NELL1: variants seen among roughly 807,000 people sequenced by gnomAD.
NELL1 encodes the protein protein kinase C-binding protein NELL1.
Under a neutral mutation model 107.4 loss-of-function variants are expected in NELL1, and 76 were observed. The observed-to-expected ratio is 0.71, with a 90% CI of 0.59 to 0.86. NELL1 has a LOEUF of 0.86. NELL1 is among the 40% of genes least tolerant of loss of function. The pLI, the probability that NELL1 is intolerant of heterozygous loss-of-function variation, is 0.00. For synonymous variants in NELL1, 353 were observed against 341.2 expected (o/e 1.03, Z -0.38); for missense variants, 1,024 against 1,005.5 (o/e 1.02, Z -0.25).
chr11:20,834,233 G>A (rs901600367), intron 3 of NELL1, among the ~76,000 whole-genome samples: 3 of 152,160 alleles, frequency 2.0e-5, no homozygotes, highest in East Asian at 1.9e-4. Context: ...GAACAGAAGC[G>A]ATAGAACTTG....
At chr11:21,339,142 A>C (rs1850505157) in intron 14 of NELL1, among the ~76,000 whole-genome samples, 1 of 152,246 alleles carries the variant, frequency 6.6e-6, no homozygotes, top group African/African-American at 2.4e-5. Flanking sequence ...TAAGAATGTG[A>C]CTGTATGTGG....
At chr11:20,725,024 A>G (rs1451141730) in intron 2 of NELL1, among the ~76,000 whole-genome samples, 1 of 152,206 alleles carries the variant, frequency 6.6e-6, no homozygotes, top group Non-Finnish European at 1.5e-5. Context: ...CTTTAAAACC[A>G]TCAGCTCTCA....
intron 2 of NELL1, among the ~76,000 whole-genome samples, chr11:20,694,550 C>T (rs890116482): frequency 1.3e-5 from 2 of 151,942 alleles, no homozygotes; most frequent in African/African-American, 2.4e-5. Flanking sequence ...TATCTTTGTC[C>T]ATTTAGTAAA....
intron 15 of NELL1, among the ~76,000 whole-genome samples, chr11:21,493,516 T>C (rs920091528): frequency 2.0e-5 from 2 of 101,334 alleles, no homozygotes. Flanking sequence ...TTCTCACTTA[T>C]GTGTAGGAGC....
intron 9 of NELL1, among the ~76,000 whole-genome samples, chr11:20,933,288 C>T (rs1215006558): frequency 2.0e-5 from 3 of 152,168 alleles, no homozygotes; most frequent in African/African-American, 7.2e-5. Context: ...AGAGATACTC[C>T]ACAGGTATTG....
At chr11:20,707,760 A>G (rs569896130) in intron 2 of NELL1, among the ~76,000 whole-genome samples, 1 of 152,268 alleles carries the variant, frequency 6.6e-6, no homozygotes, top group African/African-American at 2.4e-5. Flanking sequence ...CCTGGCTGTA[A>G]GAGGTGTCAG....
At chr11:21,147,571 G>A (rs1471557006) in intron 13 of NELL1, among the ~76,000 whole-genome samples, 3 of 152,020 alleles carry the variant, frequency 2.0e-5, no homozygotes, top group East Asian at 1.9e-4. Flanking sequence ...GGTGGCTCCC[G>A]CCTGTAATCC....
chr11:20,936,006 G>C (rs140858610), intron 9 of NELL1, among the ~76,000 whole-genome samples: 1 of 152,226 alleles, frequency 6.6e-6, no homozygotes, highest in East Asian at 1.9e-4. Flanking sequence ...AGGTTCTGAG[G>C]GGAAACAGAC....
intron 12 of NELL1, among the ~76,000 whole-genome samples, chr11:20,991,272 C>G (rs1272561294): frequency 6.6e-6 from 1 of 152,166 alleles, no homozygotes; most frequent in African/African-American, 2.4e-5. Flanking sequence ...GTCTTTGTTC[C>G]AGCAGATCAG....
chr11:20,952,192 G>A (rs1851082684), intron 11 of NELL1, among the ~76,000 whole-genome samples: 1 of 152,072 alleles, frequency 6.6e-6, no homozygotes, highest in African/African-American at 2.4e-5. Flanking sequence ...AGCTCTAATT[G>A]TATCTTTAAT....
intron 3 of NELL1, among the ~76,000 whole-genome samples, chr11:20,846,231 T>C (rs1848699201): frequency 6.6e-6 from 1 of 152,178 alleles, no homozygotes; most frequent in Admixed American, 6.5e-5. Context: ...CTTGACTCTC[T>C]GCTTGCCCTT....
At chr11:20,982,322 T>G (rs1159269472) in intron 12 of NELL1, among the ~76,000 whole-genome samples, 2 of 152,136 alleles carry the variant, frequency 1.3e-5, no homozygotes, top group African/African-American at 4.8e-5. Flanking sequence ...AGGGGATAGT[T>G]TATGGGTAGG....
intron 15 of NELL1, among the ~76,000 whole-genome samples, chr11:21,508,720 G>A (rs1440533840): frequency 6.6e-6 from 1 of 151,758 alleles, no homozygotes; most frequent in African/African-American, 2.4e-5. Flanking sequence ...AATTCCTTAT[G>A]TTTAATGATA....
intron 13 of NELL1, among the ~76,000 whole-genome samples, chr11:21,195,014 T>C (rs1014021677): frequency 6.6e-6 from 1 of 152,116 alleles, no homozygotes; most frequent in African/African-American, 2.4e-5. Context: ...GATGTTATGC[T>C]GGGTTTAATT....
chr11:21,048,686 T>C (rs879312701), intron 12 of NELL1, among the ~76,000 whole-genome samples: 3 of 152,158 alleles, frequency 2.0e-5, no homozygotes, highest in African/African-American at 7.2e-5. Flanking sequence ...TAAGCATGCT[T>C]AGCACTGTTT....
At chr11:20,889,877 GGAGA>G (rs1849583538) in intron 5 of NELL1, among the ~76,000 whole-genome samples, 3 of 152,210 alleles carry the variant, frequency 2.0e-5, no homozygotes, top group African/African-American at 7.2e-5. Context: ...GCCCCTAGCG[GGAGA>G]GGTGGCCACA....
At chr11:21,308,124 A>C (rs1331077101) in intron 14 of NELL1, among the ~76,000 whole-genome samples, 1 of 151,900 alleles carries the variant, frequency 6.6e-6, no homozygotes, top group African/African-American at 2.4e-5. Flanking sequence ...AACTGCTCTG[A>C]CTCTCAGTGT....
intron 12 of NELL1, among the ~76,000 whole-genome samples, chr11:21,103,167 G>T (rs1854863236): frequency 6.6e-6 from 1 of 152,174 alleles, no homozygotes; most frequent in African/African-American, 2.4e-5. Flanking sequence ...GCCCTTGTTT[G>T]TTTGTGTAAT....
chr11:20,817,430 T>A (rs1857647301), intron 3 of NELL1, among the ~76,000 whole-genome samples: 1 of 152,194 alleles, frequency 6.6e-6, no homozygotes. Flanking sequence ...TGCATAAAGG[T>A]GTTCATAATA....
Sources: gnomAD v4.1 joint callset for allele counts (sites outside exome capture counted in the v4.1 genomes callset) on GRCh38, gnomAD v4.1.1 for gene constraint, MANE v1.5 for transcripts, NCBI Gene and HGNC (gene_info 2026-07-23, HGNC 2026-07-21) for gene names.